The following CBLB variants were observed in gnomAD, a reference collection of about 807,000 sequenced individuals.
The protein encoded by CBLB is E3 ubiquitin-protein ligase CBL-B.
In CBLB, 31 loss-of-function variants were observed where a neutral mutation model predicts 104.9. The observed-to-expected ratio is 0.30, with a 90% CI of 0.22 to 0.40. CBLB has a LOEUF of 0.40. CBLB is among the 10% of genes least tolerant of loss of function. CBLB has a pLI of 1.00. For synonymous variants in CBLB, 440 were observed against 422.6 expected, an observed-to-expected ratio of 1.04 and a Z score of -0.51; for missense variants, 1,062 against 1,214.6, an observed-to-expected ratio of 0.87 and a Z score of 1.87.
chr3:105,688,807 T>C (rs2067314810), intron 13 of CBLB, among the ~76,000 whole-genome samples: 1 of 152,068 alleles, frequency 6.6e-6, no homozygotes, highest in Non-Finnish European at 1.5e-5. Flanking sequence ...TTCAAGGGTC[T>C]TTCATGACAT....
chr3:105,705,975 A>AT (rs933832560), intron 10 of CBLB, among the ~76,000 whole-genome samples: 18 of 152,094 alleles, frequency 1.2e-4, no homozygotes, highest in Middle Eastern at 3.4e-3. Context: ...CTCTTTACTA[A>AT]TTTTTTATTT....
intron 10 of CBLB, among the ~76,000 whole-genome samples, chr3:105,705,222 CAATTT>C (rs2152792511): frequency 6.6e-6 from 1 of 152,302 alleles, no homozygotes; most frequent in African/African-American, 2.4e-5. Flanking sequence ...CATCATTTGA[CAATTT>C]AATATGAACT....
At chr3:105,686,444 A>C (rs1328235282) in intron 13 of CBLB, among the ~76,000 whole-genome samples, 1 of 150,746 alleles carries the variant, frequency 6.6e-6, no homozygotes, top group Non-Finnish European at 1.5e-5. Context: ...TCAATTTAAA[A>C]AGGAAGGAAA....
chr3:105,681,426 G>T, intron 16 of CBLB, 53 bp downstream of exon 16: 3 of 1,578,618 alleles, frequency 1.9e-6, no homozygotes, highest in Non-Finnish European at 1.7e-6. Context: ...TGAAAATTCT[G>T]AAATTAAAAG....
chr3:105,701,247 A>G (rs79088212), intron 12 of CBLB, among the ~76,000 whole-genome samples: 3,114 of 152,326 alleles, frequency 0.02, 108 homozygotes, highest in African/African-American at 0.071. Context: ...GAAGTCAACA[A>G]GGGTGAGAAT....
rs143527280 is a variant in CBLB, at chr3:105,659,956, A to G, written c.2690-727T>C. 4.4e-4 allele frequency among the ~76,000 whole-genome samples: 67 copies of G among 152,310 alleles called. 1 individual carries two copies. Among genetic ancestry groups the G allele is most frequent in the African/African-American group, 1.5e-3 (62 of 41,564 alleles). ...TTGCTCAAGAAAAAGCAAACCTAGA[A>G]GAAATATTAGGAGTAGAGAATTGGG... On this transcript the variant is annotated intron_variant, in intron 18 of 18. Transcript: ENST00000394030.
chr3:105,709,374 C>T (rs2070725026), intron 10 of CBLB, among the ~76,000 whole-genome samples: 1 of 151,780 alleles, frequency 6.6e-6, no homozygotes, highest in Non-Finnish European at 1.5e-5. Context: ...CAGTTCTGTC[C>T]TTGTATCTTT....
intron 18 of CBLB, among the ~76,000 whole-genome samples, chr3:105,661,701 A>G (rs1288794343): frequency 6.6e-6 from 1 of 152,210 alleles, no homozygotes; most frequent in African/African-American, 2.4e-5. Flanking sequence ...AATAAATGGT[A>G]TAACTGGCAA....
At chr3:105,750,467 T>A (rs1226579777) in intron 5 of CBLB, among the ~76,000 whole-genome samples, 3 of 152,212 alleles carry the variant, frequency 2.0e-5, no homozygotes, top group Non-Finnish European at 2.9e-5. Flanking sequence ...CAGATTAAAA[T>A]GATAAAAAAT....
At chr3:105,747,987 C>T (rs988496474) in intron 5 of CBLB, among the ~76,000 whole-genome samples, 1 of 152,126 alleles carries the variant, frequency 6.6e-6, no homozygotes, top group Non-Finnish European at 1.5e-5. Flanking sequence ...TAGAATGAGT[C>T]TGTGTATTGT....
intron 3 of CBLB, among the ~76,000 whole-genome samples, chr3:105,832,272 T>C (rs955235198): frequency 1.3e-5 from 2 of 152,120 alleles, no homozygotes; most frequent in South Asian, 4.1e-4. Context: ...GAAGAAAATA[T>C]AACATGAATC....
At chr3:105,754,541 G>GAGAC (rs1560097317) in intron 4 of CBLB, among the ~76,000 whole-genome samples, 11 of 140,918 alleles carry the variant, frequency 7.8e-5, no homozygotes, top group Non-Finnish European at 1.2e-4. Context: ...GAGAGAGAGA[G>GAGAC]AGAGAGAGAG....
At chr3:105,697,524 A>T (rs1267231202) in intron 12 of CBLB, among the ~76,000 whole-genome samples, 1 of 152,050 alleles carries the variant, frequency 6.6e-6, no homozygotes, top group Non-Finnish European at 1.5e-5. Flanking sequence ...CCTCAAAAGT[A>T]TCCCTATAAT....
chr3:105,726,680 T>C (rs1025498781), intron 9 of CBLB, among the ~76,000 whole-genome samples: 1 of 152,092 alleles, frequency 6.6e-6, no homozygotes, highest in African/African-American at 2.4e-5. Flanking sequence ...ATTAGGTATG[T>C]CTCCTAAAGC....
At chr3:105,766,903 C>T (rs956694381) in intron 4 of CBLB, among the ~76,000 whole-genome samples, 2 of 152,144 alleles carry the variant, frequency 1.3e-5, no homozygotes, top group African/African-American at 4.8e-5. Context: ...TGGTACAGAG[C>T]TGATTTTAAG....
At chr3:105,842,838 T>C (rs1013190160) in intron 3 of CBLB, among the ~76,000 whole-genome samples, 10 of 151,612 alleles carry the variant, frequency 6.6e-5, no homozygotes, top group Admixed American at 3.3e-4. Context: ...GTTAGATGGG[T>C]ATTGTTACTT....
intron 3 of CBLB, among the ~76,000 whole-genome samples, chr3:105,790,263 A>G (rs531438520): frequency 5.2e-4 from 79 of 152,368 alleles, no homozygotes; most frequent in African/African-American, 1.8e-3. Flanking sequence ...AAATATTAAA[A>G]TAGAGGAAAA....
chr3:105,809,643 A>C (rs975559200), intron 3 of CBLB, among the ~76,000 whole-genome samples: 1 of 152,182 alleles, frequency 6.6e-6, no homozygotes, highest in African/African-American at 2.4e-5. Flanking sequence ...TGGAGTCATA[A>C]ACTCAAAGTC....
intron 3 of CBLB, among the ~76,000 whole-genome samples, chr3:105,802,541 C>T (rs537837633): frequency 1.3e-5 from 2 of 152,274 alleles, no homozygotes; most frequent in South Asian, 4.1e-4. Context: ...GAAGGTCCCA[C>T]GGGATTTGTA....
Sources: gnomAD v4.1 joint callset for allele counts (sites outside exome capture counted in the v4.1 genomes callset) on GRCh38, gnomAD v4.1.1 for gene constraint, MANE v1.5 for transcripts, NCBI Gene and HGNC (gene_info 2026-07-23, HGNC 2026-07-21) for gene names.